Variants in KLHL1 observed in about 807,000 individuals in gnomAD.
The protein encoded by KLHL1 is kelch like family member 1.
A neutral mutation model predicts 77.7 loss-of-function variants in KLHL1; 47 were observed. The ratio of observed to expected loss-of-function variants is 0.60; its 90% confidence interval spans 0.48 to 0.77. The LOEUF (loss-of-function observed/expected upper bound fraction) is 0.77. Ranked by LOEUF, KLHL1 falls within the 30% of genes least tolerant of loss-of-function variation. The pLI is 0.00. For synonymous variants in KLHL1, 360 were observed against 325.2 expected, an observed-to-expected ratio of 1.11 and a Z score of -1.15; for missense variants, 925 against 910.8, an observed-to-expected ratio of 1.02 and a Z score of -0.20.
At chr13:69,886,507 ACT>A (rs1020592135) in intron 4 of KLHL1, among the ~76,000 whole-genome samples, 8 of 151,318 alleles carry the variant, frequency 5.3e-5, no homozygotes, top group African/African-American at 1.9e-4. Flanking sequence ...TATATATAAA[ACT>A]CTTTTGAAAT....
intron 5 of KLHL1, among the ~76,000 whole-genome samples, chr13:69,879,834 A>G (rs1328014325): frequency 1.3e-5 from 2 of 151,964 alleles, no homozygotes; most frequent in African/African-American, 2.4e-5. Flanking sequence ...GAAGATGGCA[A>G]TCACGCTGAT....
chr13:69,715,938 C>T lies in KLHL1; in HGVS notation c.2015+3431G>A, dbSNP rs115653785. Among the ~76,000 whole-genome samples the T allele has an allele frequency of 6.8e-3, 1,036 of 152,138 alleles. 10 individuals are homozygous for T. The highest frequency in any genetic ancestry group is 0.024 in the African/African-American group (991 of 41,516). On this transcript the variant is annotated intron_variant, in intron 9 of 10. Transcript: ENST00000377844. ...TTTTCAATTAGTATTTGAACAATTG[C>T]TTACCTCTTGAGGCCCTATCTATCT...
chr13:69,959,573 G>T (rs1884000912), intron 3 of KLHL1, among the ~76,000 whole-genome samples: 1 of 148,554 alleles, frequency 6.7e-6, no homozygotes. Flanking sequence ...AAAAAAACAT[G>T]GAATTGTAAT....
intron 1 of KLHL1, among the ~76,000 whole-genome samples, chr13:70,105,307 T>C (rs1235190393): frequency 6.6e-6 from 1 of 151,918 alleles, no homozygotes; most frequent in Non-Finnish European, 1.5e-5. Context: ...TTATTAGTTT[T>C]AATTTATTAT....
chr13:69,779,093 C>T (rs1306909478), intron 7 of KLHL1, among the ~76,000 whole-genome samples: 8 of 152,098 alleles, frequency 5.3e-5, no homozygotes, highest in Admixed American at 2.6e-4. Flanking sequence ...CCACCATGCC[C>T]GGTCAGTTAT....
At chr13:69,741,975 AAC>A (rs1322712013) in intron 7 of KLHL1, among the ~76,000 whole-genome samples, 1 of 152,156 alleles carries the variant, frequency 6.6e-6, no homozygotes, top group African/African-American at 2.4e-5. Flanking sequence ...CCAATTAGCA[AAC>A]ACAGATCGCT....
At chr13:69,748,996 T>A (rs2137944301) in intron 7 of KLHL1, among the ~76,000 whole-genome samples, 1 of 152,162 alleles carries the variant, frequency 6.6e-6, no homozygotes, top group East Asian at 1.9e-4. Context: ...CATGTTTTCC[T>A]GGAAAATATT....
intron 6 of KLHL1, among the ~76,000 whole-genome samples, chr13:69,818,236 T>C (rs1878200207): frequency 6.8e-6 from 1 of 146,808 alleles, no homozygotes; most frequent in Non-Finnish European, 1.5e-5. Flanking sequence ...TTTTTTTTTT[T>C]TTTGAGACGG....
At chr13:69,883,716 A>T (rs1881091159) in intron 4 of KLHL1, among the ~76,000 whole-genome samples, 1 of 152,250 alleles carries the variant, frequency 6.6e-6, no homozygotes, top group Non-Finnish European at 1.5e-5. Flanking sequence ...AGAGAAAAAC[A>T]AAATTGTAGA....
At chr13:69,842,299 G>A (rs1271033520) in intron 5 of KLHL1, among the ~76,000 whole-genome samples, 1 of 151,646 alleles carries the variant, frequency 6.6e-6, no homozygotes, top group Admixed American at 6.6e-5. Flanking sequence ...ATTTATGCAA[G>A]AGAGGACAAA....
chr13:70,070,619 C>A lies in KLHL1; in HGVS notation c.497+36584G>T, dbSNP rs1009133659. On this transcript the variant is annotated intron_variant, in intron 1 of 10. Coordinates refer to ENST00000377844, the MANE Select transcript of KLHL1 (RefSeq NM_020866.3). ...TCATAAGAATGTTAAAGAAGTTATT[C>A]AGAATAAAGAAAAATCATACAGATA... Among the ~76,000 whole-genome samples, 2 of 151,802 alleles carry A rather than the reference C, an allele frequency of 1.3e-5. 1 individual carries two copies. Among genetic ancestry groups the A allele is most frequent in the African/African-American group, 4.8e-5 (2 of 41,290 alleles).
intron 2 of KLHL1, among the ~76,000 whole-genome samples, chr13:69,972,729 T>C (rs1166028175): frequency 6.6e-6 from 1 of 151,914 alleles, no homozygotes; most frequent in Admixed American, 6.6e-5. Flanking sequence ...GCTCTTACTC[T>C]TAATAATGGC....
At chr13:69,926,454 G>T (rs9542117) in intron 4 of KLHL1, among the ~76,000 whole-genome samples, 1 of 151,732 alleles carries the variant, frequency 6.6e-6, no homozygotes, top group African/African-American at 2.4e-5. Flanking sequence ...TAAGAACCTC[G>T]ATTTCCTCAT....
intron 1 of KLHL1, among the ~76,000 whole-genome samples, chr13:70,046,638 C>T (rs773342209): frequency 1.8e-4 from 27 of 152,278 alleles, no homozygotes; most frequent in Middle Eastern, 3.4e-3. Context: ...CAGGAGTGCA[C>T]CACCATACCT....
chr13:69,780,721 T>TATATATAC (rs1876125083), intron 7 of KLHL1, among the ~76,000 whole-genome samples: 6 of 62,852 alleles, frequency 9.5e-5, no homozygotes, highest in African/African-American at 4.1e-4. Context: ...TATATGTATA[T>TATATATAC]ATATATATAT....
Position 69,841,286 on chromosome 13 carries a change from A to T in KLHL1, c.1228-2124T>A, listed in dbSNP as rs1465013975. On this transcript the variant is annotated intron_variant, in intron 5 of 10. Coordinates refer to ENST00000377844, the MANE Select transcript of KLHL1 (RefSeq NM_020866.3). ...AGAAGAAGTCAAGTTTCTCCTGTTT[A>T]CTGATTATATAGTCTTATATCTAGA... Among the ~76,000 whole-genome samples the T allele has an allele frequency of 2.0e-5, 3 of 151,948 alleles. No homozygotes were observed. The East Asian group carries it at 5.8e-4, about 29-fold the overall frequency.
In KLHL1 at chr13:70,107,833, G is replaced by T. The variant is rs1018168298; in HGVS notation, c.-134C>A. On this transcript the variant is annotated 5_prime_UTR_variant, in exon 1 of 11. Transcript: ENST00000377844. ...CTCTGCACCCCTAGAGCCAGAAGAC[G>T]CTAGGTGGGCTGCGCGCTCTGCCAG... 1.2e-5 allele frequency: 8 copies of T among 660,128 alleles called. No individual in the cohort carries two copies. The African/African-American group carries it at 1.5e-4, about 12-fold the overall frequency. The allele number at this position is 660,128 out of a possible 1,614,324, so 40.9% of individuals were successfully genotyped here.
intron 3 of KLHL1, among the ~76,000 whole-genome samples, chr13:69,947,247 G>A (rs1248236392): frequency 1.3e-5 from 2 of 152,024 alleles, no homozygotes; most frequent in African/African-American, 4.8e-5. Context: ...ATTGGATGTG[G>A]ACAGTGAGGA....
chr13:69,935,287 G>C (rs535044661), intron 4 of KLHL1, among the ~76,000 whole-genome samples: 130 of 33,900 alleles, frequency 3.8e-3, no homozygotes, highest in South Asian at 7.9e-3. Context: ...GTACATAGCA[G>C]TCAATAGTCA....
Sources: allele counts gnomAD v4.1 joint callset (sites outside exome capture counted in the v4.1 genomes callset), GRCh38; gene constraint gnomAD v4.1.1; transcripts MANE v1.5; gene names NCBI Gene and HGNC (gene_info 2026-07-23, HGNC 2026-07-21).